NEK7: variants seen among roughly 807,000 people sequenced by gnomAD.
The protein encoded by NEK7 is NIMA related kinase 7.
NEK7 carries 18 observed loss-of-function variants against 44.6 expected under a neutral mutation model. That is an observed-to-expected ratio of 0.40 (90% CI 0.28 to 0.60). NEK7 has a LOEUF of 0.60. NEK7 is among the 20% of genes least tolerant of loss of function. NEK7 has a pLI of 0.38. For missense variants in NEK7, 256 were observed against 366.5 expected, an observed-to-expected ratio of 0.70 and a Z score of 2.46; for synonymous variants, 130 against 121.1, an observed-to-expected ratio of 1.07 and a Z score of -0.48.
chr1:198,269,790 G>A (rs1478220564), intron 5 of NEK7, among the ~76,000 whole-genome samples: 37 of 152,010 alleles, frequency 2.4e-4, no homozygotes, highest in Non-Finnish European at 2.9e-5. Context: ...GAAATATTCA[G>A]TATTTCTCTA....
chr1:198,175,277 T>C (rs1264191869), intron 1 of NEK7, among the ~76,000 whole-genome samples: 2 of 152,200 alleles, frequency 1.3e-5, no homozygotes, highest in Middle Eastern at 6.3e-3. Flanking sequence ...AAAATTCCAT[T>C]AAATTTTTCT....
intron 1 of NEK7, among the ~76,000 whole-genome samples, chr1:198,164,426 G>C (rs765559285): frequency 3.9e-5 from 6 of 152,176 alleles, no homozygotes; most frequent in Admixed American, 2.0e-4. Context: ...AAACAATGCT[G>C]TGGGCCCTAG....
chr1:198,233,093 A>T (rs1286922876), intron 2 of NEK7, among the ~76,000 whole-genome samples: 1 of 97,070 alleles, frequency 1.0e-5, no homozygotes, highest in Non-Finnish European at 2.2e-5. Context: ...AAGGAAGAGG[A>T]AAAAAAAAAA....
chr1:198,279,302 G>GCATTTTT, intron 7 of NEK7, among the ~76,000 whole-genome samples: 1 of 151,770 alleles, frequency 6.6e-6, no homozygotes, highest in Non-Finnish European at 1.5e-5. Context: ...ATGCTGATAA[G>GCATTTTT]TCTGGTTTAA....
At chr1:198,233,159 C>CT (rs1666449760) in intron 2 of NEK7, among the ~76,000 whole-genome samples, 1 of 151,606 alleles carries the variant, frequency 6.6e-6, no homozygotes. Flanking sequence ...CCTGCCCCTG[C>CT]TTTAGTGAGC....
At chr1:198,277,716 T>C (rs1654058807) in intron 5 of NEK7, 1 of 316,000 alleles carries the variant, frequency 3.2e-6, no homozygotes, top group African/African-American at 2.2e-5. Context: ...TTTTTTGAAA[T>C]AGTGGGACAT....
chr1:198,179,256 C>A (rs1664689997), intron 1 of NEK7, among the ~76,000 whole-genome samples: 1 of 151,966 alleles, frequency 6.6e-6, no homozygotes, highest in South Asian at 2.1e-4. Context: ...GGAAACCTAT[C>A]CTCATGTAGT....
At chr1:198,268,455 A>G (rs1653726125) in intron 5 of NEK7, among the ~76,000 whole-genome samples, 1 of 151,620 alleles carries the variant, frequency 6.6e-6, no homozygotes, top group Non-Finnish European at 1.5e-5. Context: ...TTTTTCTTCT[A>G]AATGCCTTTC....
chr1:198,215,154 C>T (rs1665882374), intron 1 of NEK7, among the ~76,000 whole-genome samples: 1 of 148,486 alleles, frequency 6.7e-6, no homozygotes, highest in South Asian at 2.1e-4. Flanking sequence ...CTAGACCAGC[C>T]ATACAAGAAA....
intron 7 of NEK7, among the ~76,000 whole-genome samples, chr1:198,288,158 G>A (rs755028750): frequency 2.6e-5 from 4 of 152,058 alleles, no homozygotes; most frequent in Non-Finnish European, 5.9e-5. Context: ...ATTCCCCTTC[G>A]TTGTTCAGGG....
intron 1 of NEK7, among the ~76,000 whole-genome samples, chr1:198,168,104 G>T (rs1664323687): frequency 6.6e-6 from 1 of 152,204 alleles, no homozygotes; most frequent in African/African-American, 2.4e-5. Context: ...ATTATAAGAA[G>T]ATGCAGCTTG....
chr1:198,277,028 T>G (rs1654037401), intron 5 of NEK7, among the ~76,000 whole-genome samples: 1 of 151,752 alleles, frequency 6.6e-6, no homozygotes, highest in Non-Finnish European at 1.5e-5. Flanking sequence ...TTTTAATACC[T>G]ATATATATTT....
At chr1:198,272,085 A>AT (rs1244131694) in intron 5 of NEK7, among the ~76,000 whole-genome samples, 1 of 151,440 alleles carries the variant, frequency 6.6e-6, no homozygotes, top group Non-Finnish European at 1.5e-5. Flanking sequence ...TACAGATAAA[A>AT]TATCACTTGG....
chr1:198,227,734 ATTTG>A (rs1278993759), intron 1 of NEK7, among the ~76,000 whole-genome samples: 1 of 151,928 alleles, frequency 6.6e-6, no homozygotes, highest in Non-Finnish European at 1.5e-5. Context: ...TTTCTTGTAA[ATTTG>A]TTTGAGTTTA....
intron 2 of NEK7, among the ~76,000 whole-genome samples, chr1:198,246,732 AT>A (rs1056657265): frequency 3.3e-5 from 5 of 152,364 alleles, no homozygotes; most frequent in African/African-American, 9.6e-5. Context: ...TCACGCTAAT[AT>A]TTGTCAAGTT....
rs368139637 is a variant in NEK7 at position 198,252,102 on chromosome 1, A to T, written c.58-938A>T. The stretch of plus-strand genomic sequence containing the variant: ...TTTGTTCTCGTTGGTTTCAAAGAAC[A>T]TCTTTATTTCTGCCTTCATTTCGTT... On this transcript the variant is annotated intron_variant, in intron 2 of 9. Transcript: ENST00000367385. 5.3e-5 allele frequency among the ~76,000 whole-genome samples: 8 copies of T among 152,168 alleles called. No individual in the cohort carries two copies. The East Asian group carries it at 1.4e-3, about 26-fold the overall frequency.
At chr1:198,250,927 A>C (rs1652934551) in intron 2 of NEK7, among the ~76,000 whole-genome samples, 1 of 152,018 alleles carries the variant, frequency 6.6e-6, no homozygotes, top group South Asian at 2.1e-4. Context: ...GTTGAATATG[A>C]GTGGTGAGAG....
chr1:198,272,783 A>T (rs1169271321), intron 5 of NEK7, among the ~76,000 whole-genome samples: 1 of 151,816 alleles, frequency 6.6e-6, no homozygotes, highest in Non-Finnish European at 1.5e-5. Context: ...ATTCTGATGC[A>T]TTCATGTGTT....
At chr1:198,271,884 T>C (rs1653855264) in intron 5 of NEK7, among the ~76,000 whole-genome samples, 1 of 144,758 alleles carries the variant, frequency 6.9e-6, no homozygotes, top group African/African-American at 2.5e-5. Flanking sequence ...TTTATATATA[T>C]ATAAATTAAA....
Sources: gnomAD v4.1 joint callset for allele counts (sites outside exome capture counted in the v4.1 genomes callset) on GRCh38, gnomAD v4.1.1 for gene constraint, MANE v1.5 for transcripts, NCBI Gene and HGNC (gene_info 2026-07-23, HGNC 2026-07-21) for gene names.